Variants in NTM observed in about 807,000 individuals in gnomAD.
NTM encodes IgLON family member 2.
A neutral mutation model predicts 42.1 loss-of-function variants in NTM; 13 were observed. That is an observed-to-expected ratio of 0.31 (90% CI 0.20 to 0.49). NTM has a LOEUF of 0.49. NTM is among the 20% of genes least tolerant of loss of function. The probability of loss-of-function intolerance (pLI) is 0.99; values close to 1 mark genes in which losing one functional copy is unlikely to be tolerated. For synonymous variants in NTM, 187 were observed against 179.2 expected (o/e 1.04, Z -0.35); for missense variants, 373 against 452.8 (o/e 0.82, Z 1.60).
intron 1 of NTM, among the ~76,000 whole-genome samples, chr11:131,625,810 CACAG>C (rs1292437495): frequency 6.6e-6 from 1 of 152,162 alleles, no homozygotes; most frequent in African/African-American, 2.4e-5. Context: ...TGAGTGAGAT[CACAG>C]AGATTCTTCT....
intron 1 of NTM, among the ~76,000 whole-genome samples, chr11:131,656,461 C>T (rs898640532): frequency 6.6e-6 from 1 of 152,252 alleles, no homozygotes; most frequent in African/African-American, 2.4e-5. Context: ...CAGTGAATAA[C>T]TGCAGGCATT....
At chr11:131,902,071 A>G (rs1388827666) in intron 1 of NTM, among the ~76,000 whole-genome samples, 1 of 152,262 alleles carries the variant, frequency 6.6e-6, no homozygotes. Flanking sequence ...TGAACTCACG[A>G]TGGTAATGCA....
At chr11:132,212,759 T>C (rs990768588) in intron 4 of NTM, among the ~76,000 whole-genome samples, 1 of 152,260 alleles carries the variant, frequency 6.6e-6, no homozygotes. Flanking sequence ...TTAAAACCTT[T>C]AGAATTTGAG....
chr11:131,499,873 T>C (rs1203890715), intron 1 of NTM, among the ~76,000 whole-genome samples: 6 of 152,262 alleles, frequency 3.9e-5, no homozygotes, highest in African/African-American at 1.4e-4. Flanking sequence ...TCTACACGTC[T>C]ATTATTTTGT....
intron 2 of NTM, among the ~76,000 whole-genome samples, chr11:131,945,125 G>A (rs193175495): frequency 9.2e-5 from 14 of 152,190 alleles, no homozygotes; most frequent in East Asian, 5.8e-4. Context: ...AAAGGTTTGC[G>A]GTATTTTCCT....
chr11:132,048,197 A>G (rs140241648), intron 2 of NTM, among the ~76,000 whole-genome samples: 4,304 of 152,092 alleles, frequency 0.028, 81 homozygotes, highest in Non-Finnish European at 0.041. Context: ...ATCCCTGGGG[A>G]TCCTCTCTGC....
chr11:131,623,117 T>C lies in NTM; in HGVS notation c.82+252229T>C, dbSNP rs144531056. ...GCTTCTCTATACCGGAGTTTTACTT[T>C]ATAAGCCCACCATGCAGTGGAGAGA... On this transcript the variant is annotated intron_variant, in intron 1 of 8. Coordinates refer to ENST00000683400, the MANE Select transcript of NTM (RefSeq NM_001352005.2). Among the ~76,000 whole-genome samples, 241 of 152,348 alleles carry C rather than the reference T, an allele frequency of 1.6e-3. 2 individuals are homozygous for C. Among genetic ancestry groups the C allele is most frequent in the African/African-American group, 5.6e-3 (233 of 41,576 alleles).
At chr11:131,635,988 C>G (rs998994823) in intron 1 of NTM, among the ~76,000 whole-genome samples, 1 of 152,198 alleles carries the variant, frequency 6.6e-6, no homozygotes. Context: ...AGGACCCCTA[C>G]GCTCCACGGT....
At chr11:131,565,620 TTGAG>T (rs147043676) in intron 1 of NTM, among the ~76,000 whole-genome samples, 2 of 152,350 alleles carry the variant, frequency 1.3e-5, no homozygotes, top group Admixed American at 6.5e-5. Flanking sequence ...GGATGCATAA[TTGAG>T]TGAGCAAGTA....
intron 2 of NTM, among the ~76,000 whole-genome samples, chr11:132,006,331 C>A (rs2070779644): frequency 6.6e-6 from 1 of 152,018 alleles, no homozygotes; most frequent in African/African-American, 2.4e-5. Context: ...GGTTTTTTTC[C>A]CTTCCTTCTG....
intron 1 of NTM, among the ~76,000 whole-genome samples, chr11:131,467,629 A>G (rs925254672): frequency 2.6e-5 from 4 of 152,252 alleles, no homozygotes; most frequent in African/African-American, 9.6e-5. Flanking sequence ...GTGTTACTCA[A>G]ACTGCAGGCT....
At chr11:131,760,691 T>C (rs1180329455) in intron 1 of NTM, among the ~76,000 whole-genome samples, 1 of 152,106 alleles carries the variant, frequency 6.6e-6, no homozygotes, top group Non-Finnish European at 1.5e-5. Context: ...GGGCCGGGGT[T>C]CCATCTCCGG....
At chr11:132,024,033 A>G (rs1002103001) in intron 2 of NTM, among the ~76,000 whole-genome samples, 6 of 151,502 alleles carry the variant, frequency 4.0e-5, no homozygotes, top group Admixed American at 6.6e-5. Flanking sequence ...GTTAGCCAGG[A>G]GGTCTCGATC....
At chr11:131,848,589 C>T (rs889408677) in intron 1 of NTM, among the ~76,000 whole-genome samples, 3 of 152,194 alleles carry the variant, frequency 2.0e-5, no homozygotes, top group African/African-American at 7.2e-5. Context: ...AGGTCCACTT[C>T]CCTTTGACCT....
rs547973614 is a variant in NTM at position 132,246,927 on chromosome 11, C to A, written c.526+34780C>A. Among the ~76,000 whole-genome samples the A allele has an allele frequency of 2.0e-5, 3 of 152,340 alleles. No homozygotes were observed. The South Asian group carries it at 6.2e-4, about 32-fold the overall frequency. On this transcript the variant is annotated intron_variant, in intron 4 of 8. Coordinates refer to ENST00000683400, the MANE Select transcript of NTM (RefSeq NM_001352005.2). ...ATTCCCTGCCCTTGCTCCCCACTGT[C>A]CTGCGTCTTCCCAGGGTGGACTCCA...
intron 1 of NTM, among the ~76,000 whole-genome samples, chr11:131,577,872 T>C (rs757652104): frequency 5.3e-5 from 8 of 152,206 alleles, no homozygotes; most frequent in Non-Finnish European, 8.8e-5. Flanking sequence ...CAGGGAAATG[T>C]AGTGAATTGG....
intron 1 of NTM, among the ~76,000 whole-genome samples, chr11:131,871,319 C>T (rs1231347791): frequency 6.6e-6 from 1 of 152,170 alleles, no homozygotes; most frequent in Non-Finnish European, 1.5e-5. Context: ...TTCCTATTTT[C>T]ATTTGTAGCT....
intron 1 of NTM, among the ~76,000 whole-genome samples, chr11:131,584,438 T>G (rs1592124441): frequency 6.6e-6 from 1 of 151,858 alleles, no homozygotes; most frequent in African/African-American, 2.4e-5. Context: ...GAGAGGGGAG[T>G]TAAATGAGCC....
intron 1 of NTM, among the ~76,000 whole-genome samples, chr11:131,803,404 G>A (rs193270843): frequency 2.0e-5 from 3 of 152,098 alleles, no homozygotes; most frequent in East Asian, 3.9e-4. Flanking sequence ...TGCCTCCTGG[G>A]TTCAAGCAAT....
Sources: allele counts gnomAD v4.1 joint callset (sites outside exome capture counted in the v4.1 genomes callset), GRCh38; gene constraint gnomAD v4.1.1; transcripts MANE v1.5; gene names NCBI Gene and HGNC (gene_info 2026-07-23, HGNC 2026-07-21).